Variants in IGFL2 observed in about 807,000 individuals in gnomAD.
The protein encoded by IGFL2 is insulin growth factor-like family member 2.
IGFL2 carries 7 observed loss-of-function variants against 13.9 expected under a neutral mutation model. The observed-to-expected ratio is 0.51, with a 90% CI of 0.29 to 0.95. IGFL2 has a LOEUF of 0.95. Ranked by LOEUF, IGFL2 falls within the 40% of genes least tolerant of loss-of-function variation. The pLI is 0.08. For missense variants in IGFL2, 138 were observed against 147.8 expected (o/e 0.93, Z 0.34); for synonymous variants, 55 against 55.8 (o/e 0.99, Z 0.07).
At chr19:46,103,702 G>A in the IGFL2 span, among the ~76,000 whole-genome samples, 2 of 152,188 alleles carry the variant, frequency 1.3e-5, no homozygotes, top group African/African-American at 4.8e-5. Context: ...TTTTTGGGGT[G>A]CAATCCAAGT....
At chr19:46,096,879 G>T in the IGFL2 span, among the ~76,000 whole-genome samples, 2 of 152,304 alleles carry the variant, frequency 1.3e-5, no homozygotes, top group East Asian at 3.9e-4. Context: ...CAGCTTGATT[G>T]TGGTGGATAA....
upstream of IGFL2, among the ~76,000 whole-genome samples, chr19:46,144,624 T>C (rs1973022512): frequency 6.6e-6 from 1 of 152,236 alleles, no homozygotes; most frequent in Non-Finnish European, 1.5e-5. Context: ...AAATTATTTC[T>C]GAATAAATAA....
chr19:46,082,751 G>A, the IGFL2 span, among the ~76,000 whole-genome samples: 3 of 151,936 alleles, frequency 2.0e-5, no homozygotes, highest in Non-Finnish European at 2.9e-5. Flanking sequence ...TGATAGGAAC[G>A]TTATTTTGAC....
chr19:46,158,510 G>A (rs1973946610), intron 1 of IGFL2, among the ~76,000 whole-genome samples: 1 of 121,522 alleles, frequency 8.2e-6, no homozygotes, highest in Non-Finnish European at 1.6e-5. Context: ...CGCCCGGCCT[G>A]ATTGCAATTT....
chr19:46,142,807 T>G (rs1171870790), upstream of IGFL2, among the ~76,000 whole-genome samples: 2 of 152,328 alleles, frequency 1.3e-5, no homozygotes, highest in East Asian at 3.9e-4. Context: ...TTCTGCCAAT[T>G]TAAAAGCTTC....
chr19:46,148,224 T>A, upstream of IGFL2: 2 of 1,522,166 alleles, frequency 1.3e-6, no homozygotes, highest in Non-Finnish European at 1.8e-6. Context: ...AGTCCCTGTA[T>A]AAAGTCACTG....
chr19:46,154,615 T>G (rs998057165), intron 1 of IGFL2, among the ~76,000 whole-genome samples: 3 of 151,978 alleles, frequency 2.0e-5, no homozygotes, highest in African/African-American at 7.2e-5. Context: ...GGCTAATTTT[T>G]TTGTATTTTT....
At chr19:46,112,269 A>G in the IGFL2 span, 3 of 152,218 alleles carry the variant, frequency 2.0e-5, no homozygotes, top group Admixed American at 6.5e-5. Context: ...GAGGTCCAAG[A>G]TCTGCAATTA....
the IGFL2 span, among the ~76,000 whole-genome samples, chr19:46,132,076 G>C: frequency 6.6e-6 from 1 of 152,178 alleles, no homozygotes; most frequent in South Asian, 2.1e-4. Flanking sequence ...CAGGAAATGG[G>C]TTAAAGCCTT....
chr19:46,099,860 T>C, the IGFL2 span, among the ~76,000 whole-genome samples: 1 of 152,082 alleles, frequency 6.6e-6, no homozygotes, highest in African/African-American at 2.4e-5. Flanking sequence ...TTTCTCAGTC[T>C]TGTCTGCTTG....
the IGFL2 span, among the ~76,000 whole-genome samples, chr19:46,199,651 G>C: frequency 6.6e-6 from 1 of 152,198 alleles, no homozygotes; most frequent in Non-Finnish European, 1.5e-5. Context: ...AGGAGGGTCA[G>C]CTAGACTCCT....
At chr19:46,117,002 G>A in the IGFL2 span, among the ~76,000 whole-genome samples, 1 of 151,920 alleles carries the variant, frequency 6.6e-6, no homozygotes, top group African/African-American at 2.4e-5. Flanking sequence ...TTATATACTG[G>A]TTTGGCATAA....
chr19:46,166,878 T>G, the IGFL2 span, among the ~76,000 whole-genome samples: 1 of 152,370 alleles, frequency 6.6e-6, no homozygotes, highest in Middle Eastern at 3.4e-3. Flanking sequence ...GCTGTTATCC[T>G]GTTCTTTTTT....
At chr19:46,109,452 C>T in the IGFL2 span, among the ~76,000 whole-genome samples, 2 of 151,916 alleles carry the variant, frequency 1.3e-5, no homozygotes, top group Non-Finnish European at 2.9e-5. Context: ...GTAGCTGGGA[C>T]TACAGGTGCC....
intron 1 of IGFL2, among the ~76,000 whole-genome samples, chr19:46,149,583 A>C (rs934266601): frequency 2.6e-5 from 4 of 151,630 alleles, no homozygotes; most frequent in Admixed American, 1.3e-4. Flanking sequence ...TTCTGTCTCT[A>C]TGGATTTACC....
chr19:46,201,640 G>A, the IGFL2 span, among the ~76,000 whole-genome samples: 3 of 152,096 alleles, frequency 2.0e-5, no homozygotes, highest in Non-Finnish European at 2.9e-5. Flanking sequence ...GCAGCACGTC[G>A]GGGTAAGGAT....
chr19:46,129,675 C>A, the IGFL2 span, among the ~76,000 whole-genome samples: 2 of 151,992 alleles, frequency 1.3e-5, no homozygotes, highest in Non-Finnish European at 2.9e-5. Flanking sequence ...TGGTTTTGAG[C>A]AAATTCCTTA....
chr19:46,100,475 C>T, the IGFL2 span, among the ~76,000 whole-genome samples: 1 of 152,122 alleles, frequency 6.6e-6, no homozygotes, highest in Admixed American at 6.5e-5. Flanking sequence ...TGCATTTTTA[C>T]ATACAAGGAC....
chr19:46,141,278 A>G (rs1049320176), upstream of IGFL2, among the ~76,000 whole-genome samples: 24 of 152,310 alleles, frequency 1.6e-4, no homozygotes, highest in African/African-American at 5.8e-4. Flanking sequence ...CAACAAACCA[A>G]TATTTTTGCA....
Sources: allele counts gnomAD v4.1 joint callset (sites outside exome capture counted in the v4.1 genomes callset), GRCh38; gene constraint gnomAD v4.1.1; transcripts MANE v1.5; gene names NCBI Gene and HGNC (gene_info 2026-07-23, HGNC 2026-07-21).